The following IGSF21 variants were observed in gnomAD, a reference collection of about 807,000 sequenced individuals.
The protein encoded by IGSF21 is immunoglobulin superfamily member 21.
In IGSF21, 28 loss-of-function variants were observed where a neutral mutation model predicts 46.8. The ratio of observed to expected loss-of-function variants is 0.60; its 90% CI spans 0.44 to 0.82. IGSF21 has a LOEUF of 0.82. IGSF21 is among the 40% of genes least tolerant of loss of function. The probability of loss-of-function intolerance (pLI) is 0.00; values close to 1 mark genes in which losing one functional copy is unlikely to be tolerated. For synonymous variants in IGSF21, 284 were observed against 273.6 expected, an observed-to-expected ratio of 1.04 and a Z score of -0.38; for missense variants, 624 against 665.5, an observed-to-expected ratio of 0.94 and a Z score of 0.69.
intron 1 of IGSF21, among the ~76,000 whole-genome samples, chr1:18,120,372 C>A (rs573797278): frequency 1.3e-5 from 2 of 152,210 alleles, no homozygotes; most frequent in African/African-American, 2.4e-5. Flanking sequence ...ACTTTACCCT[C>A]TTCCTGCCTT....
In IGSF21 at chr1:18,130,673, G is replaced by A. The variant is rs186618337; in HGVS notation, c.70+22475G>A. 9.8e-5 allele frequency among the ~76,000 whole-genome samples: 15 copies of A among 152,322 alleles called. No individual in the cohort carries two copies. The East Asian group carries it at 2.5e-3, about 25-fold the overall frequency. On this transcript the variant is annotated intron_variant, in intron 1 of 9. Coordinates refer to ENST00000251296, the MANE Select transcript of IGSF21 (RefSeq NM_032880.5). ...AGAGCCCGGATTCAAATCCAGATCA[G>A]CTGGCTCTCAGGAGCTCAGAACTCT...
intron 1 of IGSF21, among the ~76,000 whole-genome samples, chr1:18,161,162 C>T (rs75679661): frequency 0.02 from 3,066 of 152,214 alleles, 102 homozygotes; most frequent in African/African-American, 0.062. Flanking sequence ...GGCCCTCTCC[C>T]GTTTTAGCAC....
chr1:18,342,902 G>A (rs77321767), intron 4 of IGSF21, among the ~76,000 whole-genome samples: 5,862 of 152,210 alleles, frequency 0.039, 239 homozygotes, highest in East Asian at 0.094. Flanking sequence ...AAACATTCAC[G>A]TGCAAGTTTT....
chr1:18,122,006 C>T (rs1285427544), intron 1 of IGSF21, among the ~76,000 whole-genome samples: 1 of 152,152 alleles, frequency 6.6e-6, no homozygotes, highest in African/African-American at 2.4e-5. Flanking sequence ...CTTTGGTCAC[C>T]CATGAGTCTC....
intron 3 of IGSF21, among the ~76,000 whole-genome samples, chr1:18,325,288 T>A (rs2085646712): frequency 6.6e-6 from 1 of 152,172 alleles, no homozygotes; most frequent in Non-Finnish European, 1.5e-5. Context: ...GCAGCTGCCC[T>A]GTGTCAAAAA....
At chr1:18,210,011 A>C (rs2084373060) in intron 1 of IGSF21, among the ~76,000 whole-genome samples, 1 of 152,100 alleles carries the variant, frequency 6.6e-6, no homozygotes, top group Non-Finnish European at 1.5e-5. Context: ...AGACGTCTAC[A>C]GTCTGCACCT....
intron 4 of IGSF21, among the ~76,000 whole-genome samples, chr1:18,340,956 T>TTC (rs2085828184): frequency 1.5e-5 from 2 of 136,834 alleles, no homozygotes; most frequent in South Asian, 5.4e-4. Flanking sequence ...CTCCTCCCCC[T>TTC]CCCCCTCCTT....
intron 3 of IGSF21, among the ~76,000 whole-genome samples, chr1:18,315,096 G>A (rs2085527298): frequency 6.6e-6 from 1 of 152,132 alleles, no homozygotes; most frequent in African/African-American, 2.4e-5. Flanking sequence ...TGGAGTGAAG[G>A]GAGGAGAGTG....
intron 1 of IGSF21, among the ~76,000 whole-genome samples, chr1:18,140,289 C>G (rs1039789231): frequency 1.3e-5 from 2 of 152,212 alleles, no homozygotes; most frequent in Non-Finnish European, 2.9e-5. Flanking sequence ...GCCTAGTTCC[C>G]CAGCAGGGTG....
At chr1:18,291,717 C>A in intron 2 of IGSF21, 149 bp from the exon 3 acceptor site, 1 of 940,408 alleles carries the variant, frequency 1.1e-6, no homozygotes, top group Non-Finnish European at 1.6e-6. Flanking sequence ...ATCGCTGCCT[C>A]CAGGAAGCCC....
intron 4 of IGSF21, among the ~76,000 whole-genome samples, chr1:18,354,715 C>T (rs564761368): frequency 3.9e-5 from 6 of 152,222 alleles, no homozygotes; most frequent in Admixed American, 3.9e-4. Flanking sequence ...AGAGTGGTAC[C>T]CAATGAGCTG....
At chr1:18,356,900 C>G (rs541471491) in intron 4 of IGSF21, among the ~76,000 whole-genome samples, 11 of 149,872 alleles carry the variant, frequency 7.3e-5, no homozygotes, top group Admixed American at 4.6e-4. Flanking sequence ...GAGATGGAGA[C>G]AGAAATGAGG....
intron 4 of IGSF21, among the ~76,000 whole-genome samples, chr1:18,351,184 C>G (rs1477908088): frequency 6.6e-6 from 1 of 152,094 alleles, no homozygotes; most frequent in Non-Finnish European, 1.5e-5. Flanking sequence ...CACCTTTTCC[C>G]CTGACACAAT....
Position 18,378,297 on chromosome 1 carries a change from G to A in IGSF21, c.1375G>A (p.Ala459Thr), listed in dbSNP as rs201364974. The A allele has an allele frequency of 2.3e-4, 379 of 1,613,856 alleles. 2 individuals carry two copies. The highest frequency in any genetic ancestry group is 1.5e-3 in the South Asian group (141 of 91,040). The stretch of plus-strand genomic sequence containing the variant: ...TGGTGCCCGGCTCACCTTGGTGCTC[G>A]CCCTGACAGTGATTCTGGAGCTGAC... Reference protein sequence around the residue: ...PTGARLTLVLALTVILELT With the variant: ...PTGARLTLVLTLTVILELT The change falls in exon 10 of 10, where the codon GCC (alanine) becomes ACC (threonine). Residue 459 changes from alanine (A) to threonine (T), a missense_variant. Physicochemically the swap from Ala to Thr is moderately conservative, Grantham distance 58 (BLOSUM62 0). Transcript: ENST00000251296.
intron 2 of IGSF21, among the ~76,000 whole-genome samples, chr1:18,245,268 T>A (rs1350354273): frequency 1.3e-5 from 2 of 152,216 alleles, no homozygotes; most frequent in African/African-American, 4.8e-5. Context: ...GAAAAATTAA[T>A]TAAATGCTCC....
At chr1:18,111,745 A>C (rs4920295) in intron 1 of IGSF21, 105,272 of 152,180 alleles carry the variant, frequency 0.69, 36,502 homozygotes, top group South Asian at 0.8. Context: ...TTCTTTTCAC[A>C]GATTAGGAAA....
intron 1 of IGSF21, among the ~76,000 whole-genome samples, chr1:18,108,484 G>A (rs573256146): frequency 6.6e-6 from 1 of 151,962 alleles, no homozygotes; most frequent in Non-Finnish European, 1.5e-5. Context: ...GTGCGGGAGT[G>A]TATTTAGAGA....
chr1:18,376,530 A>G, intron 7 of IGSF21, 135 bp downstream of exon 7: 1 of 773,454 alleles, frequency 1.3e-6, no homozygotes. Context: ...TCAGTTTCCC[A>G]ATGTGTAATT....
At chr1:18,119,858 C>T (rs1279967587) in intron 1 of IGSF21, among the ~76,000 whole-genome samples, 1 of 151,856 alleles carries the variant, frequency 6.6e-6, no homozygotes, top group South Asian at 2.1e-4. Flanking sequence ...AATTCTCCCT[C>T]TTTTAAAAAA....
Sources: gnomAD v4.1 joint callset for allele counts (sites outside exome capture counted in the v4.1 genomes callset) on GRCh38, gnomAD v4.1.1 for gene constraint, MANE v1.5 for transcripts, NCBI Gene and HGNC (gene_info 2026-07-23, HGNC 2026-07-21) for gene names.